The following NUFIP1 variants were observed in gnomAD, a reference collection of about 807,000 sequenced individuals.
NUFIP1 encodes the protein FMR1-interacting protein NUFIP1.
NUFIP1 carries 38 observed loss-of-function variants against 56.2 expected under a neutral mutation model. That is an observed-to-expected ratio of 0.68 (90% CI 0.52 to 0.89). The LOEUF (loss-of-function observed/expected upper bound fraction) is 0.89. Ranked by LOEUF, NUFIP1 falls within the 40% of genes least tolerant of loss-of-function variation. The pLI, the probability that NUFIP1 is intolerant of heterozygous loss-of-function variation, is 0.00. For missense variants in NUFIP1, 567 were observed against 605.8 expected (o/e 0.94, Z 0.67); for synonymous variants, 215 against 212.4 (o/e 1.01, Z -0.10).
At chr13:44,968,194 A>C (rs1053452195) in intron 5 of NUFIP1, among the ~76,000 whole-genome samples, 5 of 152,226 alleles carry the variant, frequency 3.3e-5, no homozygotes, top group Non-Finnish European at 7.3e-5. Context: ...ATAAACATAA[A>C]AGGAAAAGAT....
rs1277381259 is a variant in NUFIP1, at chr13:44,940,488, A to G, written c.*718T>C. ...AAAGGACAGACCAATAGCTACAGCTAGTACAATGACTAGAACACAAGCTCA... is the reference window on the plus strand; with the variant it reads ...AAAGGACAGACCAATAGCTACAGCTGGTACAATGACTAGAACACAAGCTCA... On this transcript the variant is annotated 3_prime_UTR_variant, in exon 10 of 10. Coordinates refer to ENST00000379161, the MANE Select transcript of NUFIP1 (RefSeq NM_012345.3). 1 of 152,268 alleles carries G rather than the reference A, an allele frequency of 6.6e-6. No individual in the cohort carries two copies. The highest frequency in any genetic ancestry group is 1.5e-5 in the Non-Finnish European group (1 of 68,046). The allele number at this position is 152,268 out of a possible 1,614,324, so 9.4% of individuals were successfully genotyped here.
At chr13:44,947,483 C>A (rs1430421477) in intron 8 of NUFIP1, among the ~76,000 whole-genome samples, 1 of 152,096 alleles carries the variant, frequency 6.6e-6, no homozygotes, top group Admixed American at 6.5e-5. Flanking sequence ...CGGTGATCCA[C>A]CTGCCTCGGC....
chr13:44,983,828 CCT>C, intron 1 of NUFIP1, among the ~76,000 whole-genome samples: 1 of 152,042 alleles, frequency 6.6e-6, no homozygotes, highest in Non-Finnish European at 1.5e-5. Context: ...ATGAGTTTGA[CCT>C]TCTCTCACTC....
At chr13:44,984,746 G>A (rs190907878) in intron 1 of NUFIP1, among the ~76,000 whole-genome samples, 56 of 152,018 alleles carry the variant, frequency 3.7e-4, no homozygotes, top group Admixed American at 1.2e-3. Context: ...TTTAGGGTAC[G>A]TGTGCACAAT....
chr13:44,981,260 T>G (rs574559614), intron 2 of NUFIP1, among the ~76,000 whole-genome samples: 4 of 152,014 alleles, frequency 2.6e-5, no homozygotes, highest in South Asian at 2.1e-4. Flanking sequence ...GTAAATATAT[T>G]GGAAAATTTT....
chr13:44,961,911 A>T (rs1280530849), intron 6 of NUFIP1, among the ~76,000 whole-genome samples: 6 of 152,238 alleles, frequency 3.9e-5, no homozygotes, highest in Non-Finnish European at 8.8e-5. Flanking sequence ...GACTTAATTG[A>T]GAAAGTAGTG....
chr13:44,985,903 G>A (rs537914654), intron 1 of NUFIP1, among the ~76,000 whole-genome samples: 6 of 152,312 alleles, frequency 3.9e-5, no homozygotes, highest in East Asian at 1.9e-4. Flanking sequence ...AGGAAGACAC[G>A]TTGAAAGCTG....
chr13:44,944,420 C>A (rs1234673721), intron 8 of NUFIP1, among the ~76,000 whole-genome samples: 1 of 151,968 alleles, frequency 6.6e-6, no homozygotes, highest in Non-Finnish European at 1.5e-5. Context: ...AGAATAACAC[C>A]TAAGAACAGA....
Position 44,939,465 on chromosome 13 carries a change from T to A in NUFIP1, c.*1741A>T, listed in dbSNP as rs1870658516. The A allele has an allele frequency of 6.6e-6, 1 of 152,118 alleles. No individual in the cohort carries two copies. Among genetic ancestry groups the A allele is most frequent in the African/African-American group, 2.4e-5 (1 of 41,418 alleles). The allele number at this position is 152,118 out of a possible 1,614,324, so 9.4% of individuals were successfully genotyped here. ...GATAGGAATGTAGAAGGCAGAAAGT[T>A]TGAACAATTAACAAGCTAAATCCAA... On this transcript the variant is annotated 3_prime_UTR_variant, in exon 10 of 10. Coordinates refer to ENST00000379161, the MANE Select transcript of NUFIP1 (RefSeq NM_012345.3).
rs748213669 is a variant in NUFIP1 at position 44,949,796 on chromosome 13, T to C, written c.1064A>G (p.Lys355Arg). ...EEKPQHSVIP[K>R]EVTPALCSLM... ...TGAGCATAGGGCTGGTGTCACTTCC[T>C]TGGGTATCACAGAATGTTGTGGTTT... Residue 355 changes from lysine (K) to arginine (R), a missense_variant, in exon 8 of 10, where the codon AAG (lysine) becomes AGG (arginine). Lys to Arg is a conservative substitution (Grantham distance 26). Transcript: ENST00000379161. 2 of 1,614,172 alleles carry C rather than the reference T, an allele frequency of 1.2e-6. No homozygotes were observed. Among genetic ancestry groups the C allele is most frequent in the Non-Finnish European group, 1.7e-6 (2 of 1,180,006 alleles).
At chr13:44,944,801 A>G (rs1179064555) in intron 8 of NUFIP1, among the ~76,000 whole-genome samples, 1 of 152,122 alleles carries the variant, frequency 6.6e-6, no homozygotes, top group Non-Finnish European at 1.5e-5. Flanking sequence ...ACACTTCTAA[A>G]TAATCCAAGA....
chr13:44,941,768 A>C (rs372780056), intron 9 of NUFIP1, among the ~76,000 whole-genome samples: 45 of 152,222 alleles, frequency 3.0e-4, no homozygotes, highest in Admixed American at 9.2e-4. Flanking sequence ...CCGCCTCGGC[A>C]TCCCAAAGTG....
At chr13:44,956,699 TGCTG>T (rs1871256037) in intron 7 of NUFIP1, among the ~76,000 whole-genome samples, 1 of 152,166 alleles carries the variant, frequency 6.6e-6, no homozygotes, top group Non-Finnish European at 1.5e-5. Context: ...CTAATGCTGC[TGCTG>T]ATCTGACAGG....
At chr13:44,962,059 T>C (rs536467683) in intron 6 of NUFIP1, among the ~76,000 whole-genome samples, 1 of 152,136 alleles carries the variant, frequency 6.6e-6, no homozygotes, top group African/African-American at 2.4e-5. Context: ...AATAAAAATG[T>C]AGATGAATAT....
chr13:44,976,233 C>T (rs369991304), intron 5 of NUFIP1, among the ~76,000 whole-genome samples: 4 of 151,472 alleles, frequency 2.6e-5, no homozygotes, highest in South Asian at 2.1e-4. Context: ...ATATCAGAAA[C>T]GAAGTGGAGT....
intron 7 of NUFIP1, among the ~76,000 whole-genome samples, chr13:44,951,405 T>C (rs1469192511): frequency 6.6e-6 from 1 of 152,198 alleles, no homozygotes; most frequent in Non-Finnish European, 1.5e-5. Context: ...TGAGTAACCT[T>C]TCCTTAAGAT....
At chr13:44,952,209 T>C (rs1871107002) in intron 7 of NUFIP1, among the ~76,000 whole-genome samples, 1 of 152,108 alleles carries the variant, frequency 6.6e-6, no homozygotes, top group Non-Finnish European at 1.5e-5. Flanking sequence ...GTGCAGTGCA[T>C]TCTACCTCCT....
chr13:44,974,090 T>C (rs558385537), intron 5 of NUFIP1, among the ~76,000 whole-genome samples: 22 of 152,318 alleles, frequency 1.4e-4, no homozygotes, highest in Admixed American at 3.3e-4. Context: ...CTAAGAAACA[T>C]ATGCATATTG....
chr13:44,945,448 T>C (rs1020414775), intron 8 of NUFIP1, among the ~76,000 whole-genome samples: 4 of 151,928 alleles, frequency 2.6e-5, no homozygotes, highest in African/African-American at 9.7e-5. Context: ...GAAAAACTGG[T>C]AGAAATCCTA....
Sources: allele counts gnomAD v4.1 joint callset (sites outside exome capture counted in the v4.1 genomes callset), GRCh38; gene constraint gnomAD v4.1.1; transcripts MANE v1.5; gene names NCBI Gene and HGNC (gene_info 2026-07-23, HGNC 2026-07-21).